The following AP2A2 variants were observed in gnomAD, a reference collection of about 807,000 sequenced individuals.
The protein encoded by AP2A2 is adaptor related protein complex 2 subunit alpha 2.
Under a neutral mutation model 104.2 loss-of-function variants are expected in AP2A2, and 32 were observed. The observed-to-expected ratio is 0.31, with a 90% CI of 0.23 to 0.41. The LOEUF (loss-of-function observed/expected upper bound fraction) is 0.41, where lower values mean the gene tolerates loss of function less well. AP2A2 is among the 10% of genes least tolerant of loss of function. AP2A2 has a pLI of 1.00. For missense variants in AP2A2, 912 were observed against 1,261.0 expected (o/e 0.72, Z 4.19); for synonymous variants, 539 against 533.3 (o/e 1.01, Z -0.15).
intron 4 of AP2A2, among the ~76,000 whole-genome samples, chr11:975,760 G>A (rs1186088546): frequency 6.6e-6 from 1 of 151,438 alleles, no homozygotes; most frequent in Non-Finnish European, 1.5e-5. Context: ...CGTGTGAGCC[G>A]ACGTCGGAGA....
chr11:994,661 G>A (rs1855787398), intron 14 of AP2A2, among the ~76,000 whole-genome samples: 1 of 115,364 alleles, frequency 8.7e-6, no homozygotes, highest in Admixed American at 8.8e-5. Flanking sequence ...CCTGCTGGAT[G>A]CCCCCCTGGC....
Position 1,009,722 on chromosome 11 carries a change from C to A in AP2A2, c.2647C>A (p.Pro883Thr). ...FGSALLEEVD[P>T]NPANFVGAGI... ...TTCTGCACTTCTTGAAGAAGTTGAT[C>A]CTAATCCTGCGAATTTCGTGGGAGC... Residue 883 changes from proline to threonine, a missense_variant, in exon 21 of 22, where the codon CCT (proline) becomes ACT (threonine). Physicochemically the swap from Pro to Thr is conservative, Grantham distance 38. Transcript: ENST00000448903. 1 of 1,564,576 alleles carries A rather than the reference C, an allele frequency of 6.4e-7. No homozygotes were observed. The highest frequency in any genetic ancestry group is 8.7e-7 in the Non-Finnish European group (1 of 1,153,618).
At chr11:1,009,068 C>T in intron 18 of AP2A2, 32 bp from the exon 19 acceptor site, 1 of 1,554,192 alleles carries the variant, frequency 6.4e-7, no homozygotes, top group East Asian at 2.2e-5. Flanking sequence ...GAGTAGCTGA[C>T]TGTCTCTTTC....
At chr11:972,707 AAG>A (rs1451476392) in intron 4 of AP2A2, among the ~76,000 whole-genome samples, 2 of 152,220 alleles carry the variant, frequency 1.3e-5, no homozygotes, top group South Asian at 2.1e-4. Flanking sequence ...CCAAAGCAAA[AAG>A]AGAATTACAA....
intron 1 of AP2A2, among the ~76,000 whole-genome samples, chr11:930,083 T>C (rs1373302426): frequency 7.0e-6 from 1 of 142,856 alleles, no homozygotes; most frequent in Non-Finnish European, 1.5e-5. Context: ...ATTGTGCCAT[T>C]GCACTCCAGC....
chr11:966,065 TG>T (rs1854605879), intron 2 of AP2A2, among the ~76,000 whole-genome samples: 1 of 152,212 alleles, frequency 6.6e-6, no homozygotes, highest in Non-Finnish European at 1.5e-5. Context: ...CACAAATTCA[TG>T]GCCTCAGGTG....
At chr11:951,855 G>A (rs914682731) in intron 1 of AP2A2, among the ~76,000 whole-genome samples, 2 of 152,104 alleles carry the variant, frequency 1.3e-5, no homozygotes, top group African/African-American at 4.8e-5. Context: ...TGGGCTTTTG[G>A]GTTACTCGGC....
intron 2 of AP2A2, among the ~76,000 whole-genome samples, chr11:964,251 C>G (rs968851635): frequency 1.3e-5 from 2 of 152,188 alleles, no homozygotes; most frequent in African/African-American, 4.8e-5. Flanking sequence ...GAATCGATAT[C>G]CAACAAAAAT....
At chr11:941,805 T>A (rs1259168993) in intron 1 of AP2A2, among the ~76,000 whole-genome samples, 1 of 151,468 alleles carries the variant, frequency 6.6e-6, no homozygotes, top group Non-Finnish European at 1.5e-5. Flanking sequence ...TAGGCTGGTG[T>A]TGAACTCCTG....
chr11:983,346 G>C (rs1361980083), intron 6 of AP2A2, among the ~76,000 whole-genome samples: 1 of 146,484 alleles, frequency 6.8e-6, no homozygotes, highest in African/African-American at 2.5e-5. Context: ...ACTTTCTTTG[G>C]GTTAATTTGC....
At chr11:975,234 G>A (rs1244991291) in intron 4 of AP2A2, among the ~76,000 whole-genome samples, 1 of 151,432 alleles carries the variant, frequency 6.6e-6, no homozygotes, top group Non-Finnish European at 1.5e-5. Context: ...GGTCTCCCTC[G>A]TGTGAGCCGA....
chr11:937,723 GA>G (rs916278634), intron 1 of AP2A2, among the ~76,000 whole-genome samples: 48 of 152,354 alleles, frequency 3.2e-4, no homozygotes, highest in African/African-American at 1.2e-3. Context: ...TATGAAAGTG[GA>G]AAACAAGGTG....
chr11:952,203 AC>A (rs1402833761), intron 1 of AP2A2, among the ~76,000 whole-genome samples: 5 of 152,248 alleles, frequency 3.3e-5, no homozygotes, highest in Non-Finnish European at 5.9e-5. Flanking sequence ...AACTCTGTAG[AC>A]CAAGTTTTGC....
At position 943,891 on chromosome 11, in the gene AP2A2, T is replaced by C. The variant is rs923148825; in HGVS notation, c.68-15546T>C. Among the ~76,000 whole-genome samples, 9 of 144,156 alleles carry C rather than the reference T, an allele frequency of 6.2e-5. No individual in the cohort carries two copies. In the South Asian group the frequency reaches 6.7e-4, roughly 11 times the overall value. 94.6% of individuals were successfully genotyped at this position (144,156 alleles called of 152,430 possible). On this transcript the variant is annotated intron_variant, in intron 1 of 21. Coordinates refer to ENST00000448903, the MANE Select transcript of AP2A2 (RefSeq NM_012305.4). The stretch of plus-strand genomic sequence containing the variant: ...AGAGTAAGAGAGTCCCAACTGGAGA[T>C]GCAGGTGGCAGCGGAGATGGCGAGA...
chr11:1,001,508 G>A (rs369884025), intron 15 of AP2A2: 11 of 152,390 alleles, frequency 7.2e-5, no homozygotes, highest in African/African-American at 2.6e-4. Context: ...TAGAGTTCTG[G>A]TGTTTTTCAG....
chr11:977,583 G>A (rs1855091415), intron 5 of AP2A2, among the ~76,000 whole-genome samples: 1 of 150,988 alleles, frequency 6.6e-6, no homozygotes, highest in African/African-American at 2.4e-5. Flanking sequence ...ACTAATCCTC[G>A]TGCCTACTCC....
intron 21 of AP2A2, 114 bp downstream of exon 21, chr11:1,009,931 GT>G: frequency 7.6e-7 from 1 of 1,322,218 alleles, no homozygotes. Context: ...GACAGATGTT[GT>G]TTAACCACCA....
chr11:972,319 A>G, intron 4 of AP2A2, 64 bp downstream of exon 4: 2 of 1,438,508 alleles, frequency 1.4e-6, no homozygotes, highest in Admixed American at 4.7e-5. Flanking sequence ...AAATACATCA[A>G]ATATGGAGCT....
Position 977,326 on chromosome 11 carries a change from G to A in AP2A2, c.603+102G>A, listed in dbSNP as rs930304667. On this transcript the variant is annotated intron_variant, in intron 5 of 21. Coordinates refer to ENST00000448903, the MANE Select transcript of AP2A2 (RefSeq NM_012305.4). The stretch of plus-strand genomic sequence containing the variant: ...CGCCTTCTCGGGATGCCCAGGAGAG[G>A]CTGTCACAGGGGCTGCTGTGGCTGC... The A allele has an allele frequency of 1.1e-5, 16 of 1,439,082 alleles. No individual in the cohort carries two copies. In the African/African-American group the frequency reaches 2.0e-4, roughly 18 times the overall value. The allele number at this position is 1,439,082 out of a possible 1,614,324, so 89.1% of individuals were successfully genotyped here.
Sources: allele counts gnomAD v4.1 joint callset (sites outside exome capture counted in the v4.1 genomes callset), GRCh38; gene constraint gnomAD v4.1.1; transcripts MANE v1.5; gene names NCBI Gene and HGNC (gene_info 2026-07-23, HGNC 2026-07-21).